ELMO1: variants seen among roughly 807,000 people sequenced by gnomAD.
ELMO1 encodes the protein engulfment and cell motility protein 1.
In ELMO1, 26 loss-of-function variants were observed where a neutral mutation model predicts 98.9. The ratio of observed to expected loss-of-function variants is 0.26; its 90% confidence interval spans 0.19 to 0.36. The LOEUF is 0.36. Among genes scored for constraint, ELMO1 ranks in the 10% least tolerant of loss-of-function variants. The pLI is 1.00. For missense variants in ELMO1, 627 were observed against 935.2 expected (o/e 0.67, Z 4.30); for synonymous variants, 346 against 346.0 (o/e 1.00, Z 0.00).
At chr7:37,251,924 C>T (rs1437709021) in intron 6 of ELMO1, among the ~76,000 whole-genome samples, 1 of 152,070 alleles carries the variant, frequency 6.6e-6, no homozygotes, top group Non-Finnish European at 1.5e-5. Context: ...ACAGGCATTC[C>T]TATACACCAA....
intron 17 of ELMO1, 25 bp downstream of exon 17, chr7:36,894,829 T>C (rs200161329): frequency 9.8e-5 from 158 of 1,613,788 alleles, no homozygotes; most frequent in Non-Finnish European, 1.3e-4. Context: ...TTTTGGGAGA[T>C]AGAAGTCAAT....
intron 18 of ELMO1, among the ~76,000 whole-genome samples, chr7:36,885,921 A>C (rs771304139): frequency 6.6e-6 from 1 of 152,176 alleles, no homozygotes; most frequent in Non-Finnish European, 1.5e-5. Context: ...TCTCTTCCTC[A>C]TGATAGCCTT....
At chr7:37,194,505 C>T (rs1791846067) in intron 13 of ELMO1, among the ~76,000 whole-genome samples, 1 of 152,162 alleles carries the variant, frequency 6.6e-6, no homozygotes. Flanking sequence ...CAACTTCCTG[C>T]CATCTTTTTA....
intron 13 of ELMO1, among the ~76,000 whole-genome samples, chr7:37,189,989 C>T (rs1324548197): frequency 1.4e-5 from 2 of 141,388 alleles, no homozygotes; most frequent in Non-Finnish European, 3.0e-5. Context: ...AATCTCTCTA[C>T]AAACCATGCC....
At chr7:36,962,159 A>C (rs1789003159) in intron 16 of ELMO1, among the ~76,000 whole-genome samples, 1 of 152,176 alleles carries the variant, frequency 6.6e-6, no homozygotes, top group African/African-American at 2.4e-5. Flanking sequence ...TGTTGGTTCC[A>C]AGCAGACCAG....
chr7:36,986,658 C>T (rs1562878760), intron 16 of ELMO1: 1 of 152,142 alleles, frequency 6.6e-6, no homozygotes, highest in Non-Finnish European at 1.5e-5. Context: ...CATCTCTTCC[C>T]CTCTCTCTAC....
intron 1 of ELMO1, chr7:37,419,911 T>C (rs1804399284): frequency 6.6e-6 from 1 of 152,254 alleles, no homozygotes; most frequent in Admixed American, 6.5e-5. Flanking sequence ...TCACACTATT[T>C]CACATCATGC....
chr7:36,920,654 T>C (rs966189381), intron 16 of ELMO1, among the ~76,000 whole-genome samples: 3 of 152,230 alleles, frequency 2.0e-5, no homozygotes, highest in Non-Finnish European at 1.5e-5. Context: ...GCATAAAACA[T>C]AGCCATATTA....
At chr7:37,229,860 AACC>A (rs1366442527) in intron 8 of ELMO1, among the ~76,000 whole-genome samples, 3 of 152,204 alleles carry the variant, frequency 2.0e-5, no homozygotes, top group Non-Finnish European at 4.4e-5. Flanking sequence ...TTTTTATTTA[AACC>A]ACCAAGACTG....
intron 1 of ELMO1, among the ~76,000 whole-genome samples, chr7:37,363,245 C>G (rs1801766946): frequency 2.6e-5 from 4 of 152,122 alleles, no homozygotes; most frequent in Admixed American, 2.6e-4. Flanking sequence ...CAACTCAACC[C>G]TCACAAACAT....
chr7:37,189,058 T>C (rs990530886), intron 13 of ELMO1, among the ~76,000 whole-genome samples: 3 of 152,230 alleles, frequency 2.0e-5, no homozygotes, highest in Non-Finnish European at 4.4e-5. Context: ...GTATTTGCTG[T>C]GGCACTGTAT....
At chr7:36,966,387 G>T (rs903027790) in intron 16 of ELMO1, among the ~76,000 whole-genome samples, 1 of 152,184 alleles carries the variant, frequency 6.6e-6, no homozygotes, top group East Asian at 1.9e-4. Context: ...AAGACCACGG[G>T]TTTTTAACTG....
At chr7:36,887,701 G>A (rs761848803) in intron 17 of ELMO1, 29 bp from the exon 18 acceptor site, 13 of 1,603,896 alleles carry the variant, frequency 8.1e-6, no homozygotes, top group Non-Finnish European at 9.4e-6. Context: ...ATATTCCACA[G>A]CATGCCTTGA....
chr7:37,436,017 G>T (rs1805127069), intron 1 of ELMO1, among the ~76,000 whole-genome samples: 2 of 152,236 alleles, frequency 1.3e-5, no homozygotes, highest in African/African-American at 4.8e-5. Flanking sequence ...ATGGTATGCT[G>T]CAGAAAAGAG....
chr7:37,255,627 G>A (rs1359217926), intron 6 of ELMO1, among the ~76,000 whole-genome samples: 1 of 152,254 alleles, frequency 6.6e-6, no homozygotes, highest in Admixed American at 6.5e-5. Context: ...CTTTACCACG[G>A]TAAAGTAACC....
chr7:37,023,997 C>T (rs76426817), intron 15 of ELMO1, among the ~76,000 whole-genome samples: 13 of 152,096 alleles, frequency 8.5e-5, no homozygotes, highest in African/African-American at 3.1e-4. Context: ...AAGTGTTGCA[C>T]GTTTCTTTCA....
intron 18 of ELMO1, among the ~76,000 whole-genome samples, chr7:36,879,694 C>T (rs759438562): frequency 1.6e-4 from 24 of 151,944 alleles, no homozygotes; most frequent in Non-Finnish European, 2.5e-4. Context: ...AGTCAGAGTA[C>T]GGCAATCCAT....
chr7:37,143,578 TG>T (rs960392917), intron 13 of ELMO1, among the ~76,000 whole-genome samples: 2 of 151,970 alleles, frequency 1.3e-5, no homozygotes, highest in Non-Finnish European at 2.9e-5. Context: ...GTCTAATTTT[TG>T]TATTTTTGGT....
intron 15 of ELMO1, among the ~76,000 whole-genome samples, chr7:37,083,660 T>C (rs373188564): frequency 1.3e-5 from 2 of 152,330 alleles, no homozygotes; most frequent in South Asian, 4.1e-4. Context: ...GATCTAAAAC[T>C]GTGTCCTGCT....
Sources: allele counts gnomAD v4.1 joint callset (sites outside exome capture counted in the v4.1 genomes callset), GRCh38; gene constraint gnomAD v4.1.1; transcripts MANE v1.5; gene names NCBI Gene and HGNC (gene_info 2026-07-23, HGNC 2026-07-21).